Variants in CBLB observed in about 807,000 individuals in gnomAD.
CBLB encodes the protein E3 ubiquitin-protein ligase CBL-B.
A neutral mutation model predicts 104.9 loss-of-function variants in CBLB; 31 were observed. That is an observed-to-expected ratio of 0.30 (90% CI 0.22 to 0.40). The LOEUF (loss-of-function observed/expected upper bound fraction) is 0.40. Among genes scored for constraint, CBLB ranks in the 10% least tolerant of loss-of-function variants. The probability of loss-of-function intolerance (pLI) is 1.00; values close to 1 mark genes in which losing one functional copy is unlikely to be tolerated. For synonymous variants in CBLB, 440 were observed against 422.6 expected (o/e 1.04, Z -0.51); for missense variants, 1,062 against 1,214.6 (o/e 0.87, Z 1.87).
intron 3 of CBLB, among the ~76,000 whole-genome samples, chr3:105,852,340 T>A (rs868551740): frequency 6.6e-6 from 1 of 152,206 alleles, no homozygotes; most frequent in Non-Finnish European, 1.5e-5. Context: ...ATCCTGACAC[T>A]GTGCAGGCCT....
intron 3 of CBLB, among the ~76,000 whole-genome samples, chr3:105,846,679 C>G (rs1560508574): frequency 6.6e-6 from 1 of 152,092 alleles, no homozygotes; most frequent in Admixed American, 6.6e-5. Context: ...GGCATCAGAG[C>G]ATGAGATTTC....
intron 17 of CBLB, among the ~76,000 whole-genome samples, chr3:105,675,553 C>T (rs1163914496): frequency 1.3e-5 from 2 of 151,982 alleles, no homozygotes; most frequent in Admixed American, 6.6e-5. Context: ...CTAATACACA[C>T]GGTTTTAAAT....
chr3:105,705,696 G>C (rs1359135132), intron 10 of CBLB, among the ~76,000 whole-genome samples: 1 of 152,164 alleles, frequency 6.6e-6, no homozygotes, highest in Admixed American at 6.5e-5. Context: ...TTAATTACCT[G>C]ACCGTGGTAT....
At chr3:105,717,143 G>T (rs952925507) in intron 10 of CBLB, among the ~76,000 whole-genome samples, 1 of 152,088 alleles carries the variant, frequency 6.6e-6, no homozygotes, top group African/African-American at 2.4e-5. Flanking sequence ...ACATAGGGCA[G>T]ATACTGTTTT....
chr3:105,756,649 AAAG>A (rs2077107802), intron 4 of CBLB, among the ~76,000 whole-genome samples: 1 of 152,214 alleles, frequency 6.6e-6, no homozygotes, highest in Non-Finnish European at 1.5e-5. Context: ...CAAGAACAAA[AAAG>A]GTAATCTTCA....
chr3:105,674,628 C>G (rs139690904), intron 17 of CBLB, among the ~76,000 whole-genome samples: 1,639 of 152,272 alleles, frequency 0.011, 34 homozygotes, highest in African/African-American at 0.037. Context: ...TGACCTGGCA[C>G]AAAGTAGAGG....
At chr3:105,763,146 G>A (rs1479972191) in intron 4 of CBLB, among the ~76,000 whole-genome samples, 2 of 152,204 alleles carry the variant, frequency 1.3e-5, no homozygotes, top group Non-Finnish European at 2.9e-5. Flanking sequence ...CCCAGTGCCT[G>A]TATCCCCATT....
intron 3 of CBLB, among the ~76,000 whole-genome samples, chr3:105,839,200 T>C (rs1022050274): frequency 6.6e-6 from 1 of 152,202 alleles, no homozygotes; most frequent in Non-Finnish European, 1.5e-5. Flanking sequence ...CTGTATTTAA[T>C]AATCATTTCA....
At chr3:105,869,059 G>T, upstream of CBLB, 1 of 1,072,182 alleles carries the variant, frequency 9.3e-7, no homozygotes, top group Non-Finnish European at 1.2e-6. Flanking sequence ...GGGCGGGGCG[G>T]GGCGGGGGCG....
intron 13 of CBLB, among the ~76,000 whole-genome samples, chr3:105,691,540 G>A (rs1431404288): frequency 3.3e-5 from 5 of 152,156 alleles, no homozygotes; most frequent in African/African-American, 1.2e-4. Context: ...TTAATAAACA[G>A]AATGTGAACA....
intron 3 of CBLB, among the ~76,000 whole-genome samples, chr3:105,843,459 C>A (rs1286182201): frequency 6.6e-6 from 1 of 151,954 alleles, no homozygotes; most frequent in Non-Finnish European, 1.5e-5. Flanking sequence ...CAGAGATTAT[C>A]ACAAAATTAA....
rs2064144600 is a variant in CBLB at position 105,664,399 on chromosome 3, T to C, written c.2690-5170A>G. Among the ~76,000 whole-genome samples, 2 of 152,202 alleles carry C rather than the reference T, an allele frequency of 1.3e-5. 1 individual carries two copies. Among genetic ancestry groups the C allele is most frequent in the Admixed American group, 1.3e-4 (2 of 15,268 alleles). ...AAATAATGTGGTAAAATACTTATAA[T>C]ACTCCTAAATGGAACTGAGATAGAA... is the stretch of plus-strand genomic sequence containing the variant. On this transcript the variant is annotated intron_variant, in intron 18 of 18. Coordinates refer to ENST00000394030, the MANE Select transcript of CBLB (RefSeq NM_170662.5).
intron 16 of CBLB, chr3:105,681,256 T>C: frequency 1.7e-6 from 1 of 592,734 alleles, no homozygotes; most frequent in Non-Finnish European, 3.0e-6. Context: ...AACAACTTGC[T>C]TAAAACCTGA....
chr3:105,677,352 A>T (rs1038289698), intron 17 of CBLB, among the ~76,000 whole-genome samples: 1 of 96,372 alleles, frequency 1.0e-5, no homozygotes, highest in Non-Finnish European at 2.1e-5. Flanking sequence ...AAACCAAGTA[A>T]AAAAAAAAAA....
rs537881860 is a variant in CBLB, at chr3:105,868,856, CGAA to C, written c.-138_-136del. 7.7e-5 allele frequency: 78 copies of C among 1,010,894 alleles called. 1 individual carries two copies. The South Asian group carries it at 2.7e-3, about 36-fold the overall frequency. The allele number at this position is 1,010,894 out of a possible 1,614,324, so 62.6% of individuals were successfully genotyped here. A position where few individuals can be genotyped will look rare whatever the true frequency, so the allele number is the denominator to read the frequency against. On this transcript the variant is annotated 5_prime_UTR_variant, in exon 1 of 19. Coordinates refer to ENST00000394030, the MANE Select transcript of CBLB (RefSeq NM_170662.5). ...GGGATCGCTGAGAACAGCTCGCTCC[CGAA>C]GAAGGAGCAACCCAGCGCGCAGGCC...
intron 9 of CBLB, among the ~76,000 whole-genome samples, chr3:105,729,977 T>C (rs2074131539): frequency 1.3e-5 from 2 of 152,142 alleles, no homozygotes; most frequent in African/African-American, 4.8e-5. Flanking sequence ...ATATTTAGAT[T>C]ATCCAAAAGT....
chr3:105,693,600 T>C lies in CBLB; in HGVS notation c.1960-12A>G, dbSNP rs1156389912. On this transcript the variant is annotated splice_polypyrimidine_tract_variant and intron_variant, in intron 12 of 18. Coordinates refer to ENST00000394030, the MANE Select transcript of CBLB (RefSeq NM_170662.5). ...CCATTGGAAAAGACCTGAAAGTAAA[T>C]CAAATTGTTAGTTTCCAAGAATTTA... The C allele has an allele frequency of 6.3e-7, 1 of 1,580,524 alleles. No homozygotes were observed. The highest frequency in any genetic ancestry group is 8.7e-7 in the Non-Finnish European group (1 of 1,150,374).
chr3:105,776,252 TACCA>T (rs990606233), intron 4 of CBLB, 140 bp downstream of exon 4: 2 of 600,950 alleles, frequency 3.3e-6, no homozygotes, highest in South Asian at 3.8e-5. Context: ...CTATAAAAAT[TACCA>T]ATCAATCAAA....
chr3:105,781,131 G>T (rs1158240454), intron 3 of CBLB, among the ~76,000 whole-genome samples: 1 of 152,166 alleles, frequency 6.6e-6, no homozygotes, highest in African/African-American at 2.4e-5. Flanking sequence ...AAAAGAGAGA[G>T]AGATGTGAAA....
Sources: gnomAD v4.1 joint callset for allele counts (sites outside exome capture counted in the v4.1 genomes callset) on GRCh38, gnomAD v4.1.1 for gene constraint, MANE v1.5 for transcripts, NCBI Gene and HGNC (gene_info 2026-07-23, HGNC 2026-07-21) for gene names.